The following PBX1 variants were observed in gnomAD, a reference collection of about 807,000 sequenced individuals.
The protein encoded by PBX1 is pre-B-cell leukemia transcription factor 1.
A neutral mutation model predicts 53.4 loss-of-function variants in PBX1; 6 were observed. The ratio of observed to expected loss-of-function variants is 0.11; its 90% confidence interval spans 0.06 to 0.22. PBX1 has a LOEUF of 0.22. PBX1 is among the 10% of genes least tolerant of loss of function. The pLI is 1.00. For synonymous variants in PBX1, 204 were observed against 212.3 expected, an observed-to-expected ratio of 0.96 and a Z score of 0.34; for missense variants, 251 against 551.4, an observed-to-expected ratio of 0.46 and a Z score of 5.46.
At chr1:164,803,180 G>A (rs999142937) in intron 4 of PBX1, among the ~76,000 whole-genome samples, 2 of 152,094 alleles carry the variant, frequency 1.3e-5, no homozygotes, top group African/African-American at 2.4e-5. Context: ...AGTAGCCACT[G>A]GAACATCAAA....
At chr1:164,618,870 G>A (rs1028674243) in intron 2 of PBX1, among the ~76,000 whole-genome samples, 3 of 152,176 alleles carry the variant, frequency 2.0e-5, no homozygotes, top group Admixed American at 6.5e-5. Context: ...ATGGACTTGC[G>A]TTGTTCTTCA....
At chr1:164,801,112 G>A (rs544880099) in intron 4 of PBX1, among the ~76,000 whole-genome samples, 167 of 152,186 alleles carry the variant, frequency 1.1e-3, no homozygotes, top group Middle Eastern at 6.8e-3. Context: ...TGAGAATGCC[G>A]GCTAGCAAAA....
chr1:164,727,132 T>TA (rs1664741522), intron 2 of PBX1, among the ~76,000 whole-genome samples: 2 of 152,222 alleles, frequency 1.3e-5, no homozygotes, highest in African/African-American at 4.8e-5. Flanking sequence ...TGTTGACCCT[T>TA]TAGCATCTCC....
At chr1:164,859,086 C>T (rs1672038158) in intron 2 of PBX1, among the ~76,000 whole-genome samples, 1 of 152,198 alleles carries the variant, frequency 6.6e-6, no homozygotes. Flanking sequence ...CCAACCAATA[C>T]AAGGAGCAAT....
At chr1:164,724,670 ATTTTTTTTTTTTTTTTTTTTTT>A (rs59042806) in intron 2 of PBX1, among the ~76,000 whole-genome samples, 8,056 of 48,516 alleles carry the variant, frequency 0.17, 597 homozygotes, top group East Asian at 0.37. Context: ...ATAGCTGCAG[ATTTTTTTTTTTTTTTTTTTTTT>A]TTTTTTTTTT....
intron 2 of PBX1, among the ~76,000 whole-genome samples, chr1:164,751,661 C>T (rs1373206796): frequency 6.8e-6 from 1 of 146,774 alleles, no homozygotes; most frequent in Non-Finnish European, 1.5e-5. Flanking sequence ...TGGCTCAATG[C>T]ATCCTCTGCC....
chr1:164,633,263 C>T (rs191157069), intron 2 of PBX1, among the ~76,000 whole-genome samples: 5 of 151,946 alleles, frequency 3.3e-5, no homozygotes, highest in African/African-American at 1.2e-4. Context: ...AATTCTCCTG[C>T]CTCAGCCTCC....
chr1:164,563,733 T>C (rs1408368902), intron 2 of PBX1, among the ~76,000 whole-genome samples: 1 of 152,196 alleles, frequency 6.6e-6, no homozygotes, highest in Admixed American at 6.5e-5. Context: ...TTTCCTTTTT[T>C]TCTTGTAATT....
intron 8 of PBX1, among the ~76,000 whole-genome samples, chr1:164,830,121 A>AG (rs1670679960): frequency 6.6e-6 from 1 of 152,226 alleles, no homozygotes; most frequent in Non-Finnish European, 1.5e-5. Context: ...TGGTAAAGTA[A>AG]GTTAAAAGAA....
chr1:164,624,578 C>T (rs1056331075), intron 2 of PBX1, among the ~76,000 whole-genome samples: 1 of 152,188 alleles, frequency 6.6e-6, no homozygotes, highest in Admixed American at 6.5e-5. Flanking sequence ...AATTCATGCA[C>T]ATACCAAGCA....
At chr1:164,822,237 A>G (rs1317471340) in intron 8 of PBX1, among the ~76,000 whole-genome samples, 1 of 152,060 alleles carries the variant, frequency 6.6e-6, no homozygotes, top group Non-Finnish European at 1.5e-5. Flanking sequence ...AACCGAGTGT[A>G]GATTTGGGAC....
intron 2 of PBX1, chr1:164,787,852 G>T (rs1408815123): frequency 6.6e-6 from 1 of 152,264 alleles, no homozygotes; most frequent in African/African-American, 2.4e-5. Context: ...GGGTGGATTT[G>T]TGGGAAGGAA....
At chr1:164,761,894 A>G (rs1466943408) in intron 2 of PBX1, among the ~76,000 whole-genome samples, 2 of 152,138 alleles carry the variant, frequency 1.3e-5, no homozygotes, top group Non-Finnish European at 2.9e-5. Flanking sequence ...AGTACTATAG[A>G]TACTCTTAGA....
intron 2 of PBX1, among the ~76,000 whole-genome samples, chr1:164,616,909 G>T (rs34695400): frequency 0.065 from 9,844 of 152,114 alleles, 855 homozygotes; most frequent in East Asian, 0.4. Flanking sequence ...TGAGACTGAG[G>T]TTCAAATAAG....
chr1:164,846,509 G>A, intron 8 of PBX1, 75 bp from the exon 9 acceptor site: 1 of 1,235,794 alleles, frequency 8.1e-7, no homozygotes, highest in East Asian at 2.3e-5. Flanking sequence ...TACACAAGAT[G>A]CCTCATTGTC....
chr1:164,785,678 G>C (rs945634178), intron 2 of PBX1, among the ~76,000 whole-genome samples: 1 of 152,214 alleles, frequency 6.6e-6, no homozygotes. Flanking sequence ...GTCATCCAAG[G>C]TCCCAGGATC....
chr1:164,819,601 G>A (rs1181191515), intron 6 of PBX1: 1 of 152,884 alleles, frequency 6.5e-6, no homozygotes, highest in African/African-American at 2.4e-5. Flanking sequence ...CTCCTCACAG[G>A]GGAGGGGATG....
chr1:164,634,797 A>G (rs1473222154), intron 2 of PBX1, among the ~76,000 whole-genome samples: 2 of 152,098 alleles, frequency 1.3e-5, no homozygotes, highest in Non-Finnish European at 2.9e-5. Flanking sequence ...ACTCTCAGTT[A>G]TTTCCTAGCC....
At chr1:164,821,943 A>G (rs1670176891) in intron 8 of PBX1, among the ~76,000 whole-genome samples, 1 of 152,184 alleles carries the variant, frequency 6.6e-6, no homozygotes, top group Non-Finnish European at 1.5e-5. Flanking sequence ...GTGGTAGGAA[A>G]TGTGACCACA....
Sources: gnomAD v4.1 joint callset for allele counts (sites outside exome capture counted in the v4.1 genomes callset) on GRCh38, gnomAD v4.1.1 for gene constraint, MANE v1.5 for transcripts, NCBI Gene and HGNC (gene_info 2026-07-23, HGNC 2026-07-21) for gene names.